Variants in PRKG1 observed in about 807,000 individuals in gnomAD.
PRKG1 encodes protein kinase cGMP-dependent 1, also known as cGMP-dependent protein kinase 1.
A neutral mutation model predicts 88.1 loss-of-function variants in PRKG1; 35 were observed. The observed-to-expected ratio is 0.40, with a 90% CI of 0.30 to 0.53. The LOEUF (loss-of-function observed/expected upper bound fraction) is 0.53. PRKG1 is among the 20% of genes least tolerant of loss of function. The probability of loss-of-function intolerance (pLI) is 0.59; values close to 1 mark genes in which losing one functional copy is unlikely to be tolerated. For synonymous variants in PRKG1, 303 were observed against 292.5 expected (o/e 1.04, Z -0.37); for missense variants, 540 against 839.8 (o/e 0.64, Z 4.41).
chr10:51,880,626 T>A lies in PRKG1; in HGVS notation c.699-26881T>A, dbSNP rs142149221. On this transcript the variant is annotated intron_variant, in intron 4 of 17. Transcript: ENST00000373980. ...CCTGTATTGGTTTTGGCTGTGTTAA[T>A]CTTTTAAAAACGTCCTCCTCTAAAA... Among the ~76,000 whole-genome samples, 574 of 152,322 alleles carry A rather than the reference T, an allele frequency of 3.8e-3. 4 individuals are homozygous for A. Among genetic ancestry groups the A allele is most frequent in the Middle Eastern group, 0.01 (3 of 294 alleles).
intron 3 of PRKG1, among the ~76,000 whole-genome samples, chr10:51,732,478 A>G (rs1430593556): frequency 6.6e-6 from 1 of 152,236 alleles, no homozygotes; most frequent in Non-Finnish European, 1.5e-5. Flanking sequence ...GAAATCCACG[A>G]CAAAAACAGA....
intron 3 of PRKG1, among the ~76,000 whole-genome samples, chr10:51,567,888 T>C (rs892363671): frequency 2.0e-5 from 3 of 152,034 alleles, no homozygotes; most frequent in Admixed American, 6.6e-5. Context: ...TGCTTGGCCT[T>C]AAAGCATTTC....
At chr10:51,340,081 T>C (rs898680689) in intron 2 of PRKG1, among the ~76,000 whole-genome samples, 3 of 152,158 alleles carry the variant, frequency 2.0e-5, no homozygotes, top group Non-Finnish European at 2.9e-5. Context: ...AACCATTTTA[T>C]AGGAGAATCA....
intron 5 of PRKG1, among the ~76,000 whole-genome samples, chr10:51,968,412 A>G (rs1217936248): frequency 1.3e-5 from 2 of 152,168 alleles, no homozygotes; most frequent in Non-Finnish European, 2.9e-5. Context: ...GGGGAGAAGA[A>G]GAGGCATAGA....
At chr10:51,366,092 G>A (rs1205463259) in intron 2 of PRKG1, among the ~76,000 whole-genome samples, 4 of 151,758 alleles carry the variant, frequency 2.6e-5, no homozygotes, top group Non-Finnish European at 5.9e-5. Context: ...GTTTGCATGA[G>A]GTAATTTTTT....
chr10:52,066,129 GT>G (rs1564454114), intron 7 of PRKG1, among the ~76,000 whole-genome samples: 2 of 152,106 alleles, frequency 1.3e-5, no homozygotes, highest in Non-Finnish European at 2.9e-5. Context: ...AGATTTGCTA[GT>G]TACCTCATGA....
intron 2 of PRKG1, among the ~76,000 whole-genome samples, chr10:51,416,752 C>A (rs1838250870): frequency 6.6e-6 from 1 of 152,126 alleles, no homozygotes; most frequent in South Asian, 2.1e-4. Context: ...CCCTTCCAGC[C>A]ATGACCCACA....
In PRKG1 at chr10:51,189,311, A is replaced by C. The variant is rs574695257; in HGVS notation, c.478+35981A>C. ...GTTTTGAGTTTTCTGACTTCTATAA[A>C]ACAAACAGAAACATATGTTCTTATT... On this transcript the variant is annotated intron_variant, in intron 2 of 17. Coordinates refer to ENST00000373980, the MANE Select transcript of PRKG1 (RefSeq NM_006258.4). Among the ~76,000 whole-genome samples the C allele has an allele frequency of 3.3e-5, 5 of 152,062 alleles. No individual in the cohort carries two copies. In the East Asian group the frequency reaches 9.6e-4, roughly 29 times the overall value.
intron 1 of PRKG1, among the ~76,000 whole-genome samples, chr10:51,151,758 G>A (rs138620383): frequency 0.03 from 4,544 of 151,878 alleles, 112 homozygotes; most frequent in Non-Finnish European, 0.049. Context: ...AATTTCAATT[G>A]TTTTTATTTT....
chr10:52,020,418 T>C lies in PRKG1; in HGVS notation c.763-34066T>C, dbSNP rs188834059. Among the ~76,000 whole-genome samples the C allele has an allele frequency of 1.8e-3, 271 of 152,258 alleles. 2 individuals are homozygous for C. The highest frequency in any genetic ancestry group is 6.3e-3 in the African/African-American group (262 of 41,546). ...CTGCCAGCAACTCCATAAGAGTCTATAGTAACCTCAATTCTTGCCTCCTCA... is the reference window on the plus strand; with the variant it reads ...CTGCCAGCAACTCCATAAGAGTCTACAGTAACCTCAATTCTTGCCTCCTCA... On this transcript the variant is annotated intron_variant, in intron 5 of 17. Coordinates refer to ENST00000373980, the MANE Select transcript of PRKG1 (RefSeq NM_006258.4).
intron 3 of PRKG1, among the ~76,000 whole-genome samples, chr10:51,506,666 G>C (rs2132052044): frequency 6.6e-6 from 1 of 152,264 alleles, no homozygotes; most frequent in South Asian, 2.1e-4. Context: ...GTGCTGGAGA[G>C]GATGTGGAGA....
At chr10:51,588,478 A>G (rs7912930) in intron 3 of PRKG1, among the ~76,000 whole-genome samples, 11,225 of 152,174 alleles carry the variant, frequency 0.074, 1,384 homozygotes, top group African/African-American at 0.25. Context: ...TGATCAACAA[A>G]CTAGTTAGTC....
intron 3 of PRKG1, among the ~76,000 whole-genome samples, chr10:51,790,551 A>G (rs1159685712): frequency 6.6e-6 from 1 of 152,140 alleles, no homozygotes; most frequent in Non-Finnish European, 1.5e-5. Flanking sequence ...CTTAAACAGG[A>G]CAAACTCCAA....
chr10:52,004,468 C>T (rs1057346724), intron 5 of PRKG1, among the ~76,000 whole-genome samples: 33 of 152,166 alleles, frequency 2.2e-4, no homozygotes, highest in Non-Finnish European at 8.8e-5. Context: ...TCAGCATCTC[C>T]TGGGACTGAA....
At chr10:51,821,348 C>A (rs1839739910) in intron 4 of PRKG1, among the ~76,000 whole-genome samples, 2 of 152,024 alleles carry the variant, frequency 1.3e-5, no homozygotes, top group South Asian at 2.1e-4. Flanking sequence ...GCCTTCATTT[C>A]TCTTAAGTAT....
chr10:51,524,561 A>G (rs1841828934), intron 3 of PRKG1, among the ~76,000 whole-genome samples: 1 of 152,164 alleles, frequency 6.6e-6, no homozygotes, highest in African/African-American at 2.4e-5. Context: ...CATCTAATAC[A>G]TGTACAATTT....
At chr10:51,185,794 AGTT>A (rs1397501232) in intron 2 of PRKG1, among the ~76,000 whole-genome samples, 2 of 143,174 alleles carry the variant, frequency 1.4e-5, no homozygotes, top group Non-Finnish European at 3.2e-5. Flanking sequence ...TTGGTATTTG[AGTT>A]ATTTCTTTTT....
intron 5 of PRKG1, among the ~76,000 whole-genome samples, chr10:51,985,984 T>G (rs1307647718): frequency 6.6e-6 from 1 of 152,194 alleles, no homozygotes; most frequent in East Asian, 1.9e-4. Context: ...AGTTTATAGT[T>G]AGGCAAAAGC....
intron 3 of PRKG1, among the ~76,000 whole-genome samples, chr10:51,672,965 T>C (rs1212405053): frequency 2.6e-5 from 4 of 152,226 alleles, no homozygotes; most frequent in Non-Finnish European, 4.4e-5. Context: ...ATCTCAGTTG[T>C]ATCTTCTAGC....
Sources: gnomAD v4.1 joint callset for allele counts (sites outside exome capture counted in the v4.1 genomes callset) on GRCh38, gnomAD v4.1.1 for gene constraint, MANE v1.5 for transcripts, NCBI Gene and HGNC (gene_info 2026-07-23, HGNC 2026-07-21) for gene names.